Variants in PACRG observed in about 807,000 individuals in gnomAD.
PACRG encodes the protein parkin coregulated, also known as parkin coregulated gene protein.
In PACRG, 29 loss-of-function variants were observed where a neutral mutation model predicts 29.7. The observed-to-expected ratio is 0.98, with a 90% CI of 0.73 to 1.33. The LOEUF (loss-of-function observed/expected upper bound fraction) is 1.33. PACRG is among the 40% of genes most tolerant of loss of function. The pLI, the probability that PACRG is intolerant of heterozygous loss-of-function variation, is 0.00. For synonymous variants in PACRG, 116 were observed against 118.7 expected (o/e 0.98, Z 0.15); for missense variants, 279 against 316.2 (o/e 0.88, Z 0.89).
chr6:162,960,591 C>A (rs1800528256), intron 2 of PACRG, among the ~76,000 whole-genome samples: 1 of 152,148 alleles, frequency 6.6e-6, no homozygotes, highest in African/African-American at 2.4e-5. Context: ...ACAACTGATA[C>A]TGCAGACTAC....
chr6:163,023,982 G>T lies in PACRG; in HGVS notation c.292-38168G>T, dbSNP rs145035936. ...CTAGAGATTCTGCATTTTGTTGAAT[G>T]CATGGTTTACAAATATTCTCTCCCA... On this transcript the variant is annotated intron_variant, in intron 2 of 4. Transcript: ENST00000366888. Among the ~76,000 whole-genome samples, 894 of 152,160 alleles carry T rather than the reference G, an allele frequency of 5.9e-3. 4 individuals are homozygous for T. The highest frequency in any genetic ancestry group is 0.015 in the African/African-American group (609 of 41,540).
intron 4 of PACRG, among the ~76,000 whole-genome samples, chr6:163,167,510 TTTA>T (rs1402575093): frequency 6.6e-6 from 1 of 152,206 alleles, no homozygotes; most frequent in African/African-American, 2.4e-5. Context: ...ATGAAAATAC[TTTA>T]TAACTATGTT....
intron 2 of PACRG, among the ~76,000 whole-genome samples, chr6:162,847,656 C>T (rs1265511515): frequency 6.6e-6 from 1 of 151,640 alleles, no homozygotes; most frequent in East Asian, 1.9e-4. Context: ...GGAAGCATCA[C>T]CCGAGGTGAA....
chr6:162,821,646 G>A (rs74803586), intron 2 of PACRG, among the ~76,000 whole-genome samples: 27,513 of 152,064 alleles, frequency 0.18, 3,085 homozygotes, highest in Non-Finnish European at 0.25. Context: ...TGACGTTGTA[G>A]AAGTATCAAT....
rs550946113 is a variant in PACRG at position 163,135,655 on chromosome 6, T to G, written c.613+46247T>G. On this transcript the variant is annotated intron_variant, in intron 4 of 4. Transcript: ENST00000366888. ...TAGTATATGTGAGCTGGAGTGATTT[T>G]AAGGTAAATACCTAGAAGTAGAAAT... Among the ~76,000 whole-genome samples the G allele has an allele frequency of 5.6e-4, 85 of 152,352 alleles. 1 individual carries two copies. The highest frequency in any genetic ancestry group is 3.5e-3 in the South Asian group (17 of 4,820).
At chr6:163,243,556 G>A (rs944694949) in intron 4 of PACRG, among the ~76,000 whole-genome samples, 7 of 151,952 alleles carry the variant, frequency 4.6e-5, no homozygotes, top group Non-Finnish European at 5.9e-5. Flanking sequence ...GTACCTACAC[G>A]CCCACACACA....
intron 4 of PACRG, chr6:163,112,038 C>T (rs1245341056): frequency 4.2e-6 from 4 of 959,052 alleles, no homozygotes; most frequent in Non-Finnish European, 5.0e-6. Context: ...GACACTGTAC[C>T]AAATTATTAA....
At chr6:162,879,715 G>A (rs916414389) in intron 2 of PACRG, among the ~76,000 whole-genome samples, 4 of 152,218 alleles carry the variant, frequency 2.6e-5, no homozygotes, top group East Asian at 1.9e-4. Flanking sequence ...CGTGCAGATA[G>A]GACAGTGAGT....
At chr6:162,996,204 G>T (rs548323933) in intron 2 of PACRG, among the ~76,000 whole-genome samples, 1 of 152,086 alleles carries the variant, frequency 6.6e-6, no homozygotes, top group South Asian at 2.1e-4. Context: ...TGTTTATTAG[G>T]TTGATTGTGG....
intron 4 of PACRG, among the ~76,000 whole-genome samples, chr6:163,196,260 C>T (rs140178037): frequency 1.5e-3 from 221 of 152,360 alleles, no homozygotes; most frequent in African/African-American, 5.1e-3. Context: ...TCACGGACAG[C>T]GCCCAACAGC....
chr6:162,889,747 T>C (rs1794621488), intron 2 of PACRG, among the ~76,000 whole-genome samples: 1 of 152,258 alleles, frequency 6.6e-6, no homozygotes, highest in African/African-American at 2.4e-5. Flanking sequence ...AGTTTTATAG[T>C]CCGGTTATTT....
At chr6:163,209,352 C>T (rs536416809) in intron 4 of PACRG, among the ~76,000 whole-genome samples, 4 of 152,154 alleles carry the variant, frequency 2.6e-5, no homozygotes, top group South Asian at 2.1e-4. Flanking sequence ...TGCAAAAGGA[C>T]GAGAAATGGA....
chr6:162,880,095 C>A (rs536339483), intron 2 of PACRG, among the ~76,000 whole-genome samples: 1 of 152,136 alleles, frequency 6.6e-6, no homozygotes, highest in African/African-American at 2.4e-5. Context: ...TCCAACACCC[C>A]CTTCTGTGGA....
At chr6:162,850,704 A>G (rs1180399542) in intron 2 of PACRG, among the ~76,000 whole-genome samples, 2 of 152,216 alleles carry the variant, frequency 1.3e-5, no homozygotes, top group Non-Finnish European at 2.9e-5. Flanking sequence ...ATCTTGCCCT[A>G]TCCATCTCTT....
chr6:163,166,403 A>AG (rs1428922696), intron 4 of PACRG: 8 of 328,038 alleles, frequency 2.4e-5, no homozygotes, highest in Middle Eastern at 8.5e-4. Flanking sequence ...TAAGTAGACG[A>AG]GGGGCAGATT....
intron 2 of PACRG, chr6:163,042,812 CT>C (rs773032420): frequency 3.9e-5 from 6 of 151,906 alleles, no homozygotes; most frequent in Non-Finnish European, 8.8e-5. Flanking sequence ...TCATTAAAAA[CT>C]TGTCAAGGTT....
chr6:163,141,850 C>CT (rs938984457), intron 4 of PACRG, among the ~76,000 whole-genome samples: 1 of 151,964 alleles, frequency 6.6e-6, no homozygotes, highest in African/African-American at 2.4e-5. Flanking sequence ...GATCATAACT[C>CT]TAACAGATCA....
chr6:163,294,299 ATAT>A (rs1784714806), intron 4 of PACRG, among the ~76,000 whole-genome samples: 1 of 152,198 alleles, frequency 6.6e-6, no homozygotes, highest in East Asian at 1.9e-4. Flanking sequence ...TGTCATCATA[ATAT>A]TATTTTGTAT....
At chr6:162,925,879 G>A (rs776471279) in intron 2 of PACRG, among the ~76,000 whole-genome samples, 2 of 152,042 alleles carry the variant, frequency 1.3e-5, no homozygotes, top group African/African-American at 4.8e-5. Flanking sequence ...TTTAGCAGAC[G>A]ACATGATCCT....
Sources: gnomAD v4.1 joint callset for allele counts (sites outside exome capture counted in the v4.1 genomes callset) on GRCh38, gnomAD v4.1.1 for gene constraint, MANE v1.5 for transcripts, NCBI Gene and HGNC (gene_info 2026-07-23, HGNC 2026-07-21) for gene names.